CYP2R1: variants seen among roughly 807,000 people sequenced by gnomAD.
CYP2R1 encodes the protein cytochrome P450 family 2 subfamily R member 1.
CYP2R1 carries 40 observed loss-of-function variants against 45.7 expected under a neutral mutation model. That is an observed-to-expected ratio of 0.87 (90% confidence interval 0.68 to 1.14). The LOEUF is 1.14. CYP2R1 is among the 50% of genes most tolerant of loss of function. CYP2R1 has a pLI of 0.00. For synonymous variants in CYP2R1, 234 were observed against 219.3 expected, an observed-to-expected ratio of 1.07 and a Z score of -0.59; for missense variants, 605 against 602.6, an observed-to-expected ratio of 1.00 and a Z score of -0.04.
Position 14,885,783 on chromosome 11 carries a change from T to G in CYP2R1, c.360A>C (p.Lys120Asn). 6.2e-7 allele frequency: 1 copy of G among 1,612,484 alleles called. No individual in the cohort carries two copies. The highest frequency in any genetic ancestry group is 8.5e-7 in the Non-Finnish European group (1 of 1,179,672). ...AGGTGCAAATAAACATACCTCCCAT[T>G]TTTGTCATCTTCATGAATAAAGGAA... ...PCLPLFMKMT[K>N]MGGLLNSRYG... Residue 120 changes from lysine to asparagine, a missense_variant, in exon 2 of 5, where the codon AAA becomes AAC. By Grantham distance (94) the Lys-to-Asn change is moderately conservative (BLOSUM62 0). Transcript: ENST00000334636.
chr11:14,879,470 T>C (rs1555011122), intron 3 of CYP2R1, 27 bp from the exon 4 acceptor site: 1 of 1,549,178 alleles, frequency 6.5e-7, no homozygotes, highest in Non-Finnish European at 8.8e-7. Context: ...ATTCAAGTTA[T>C]TATGCAGTTC....
chr11:14,882,774 C>T (rs1555012819), intron 2 of CYP2R1, among the ~76,000 whole-genome samples: 3 of 152,250 alleles, frequency 2.0e-5, no homozygotes, highest in East Asian at 3.9e-4. Context: ...GATTGTATAA[C>T]GAGAAAACCC....
intron 2 of CYP2R1, among the ~76,000 whole-genome samples, chr11:14,884,304 G>A (rs1445212805): frequency 1.3e-5 from 2 of 151,916 alleles, no homozygotes; most frequent in African/African-American, 4.8e-5. Flanking sequence ...ATGATAGACT[G>A]GATGAAGAAA....
In CYP2R1 at chr11:14,878,110, T is replaced by C. The variant is rs782447018; in HGVS notation, c.*12A>G. 6.2e-7 allele frequency: 1 copy of C among 1,612,754 alleles called. No individual in the cohort carries two copies. The highest frequency in any genetic ancestry group is 1.1e-5 in the South Asian group (1 of 91,022). On this transcript the variant is annotated 3_prime_UTR_variant, in exon 5 of 5. Transcript: ENST00000334636. ...ATATACATTCTTGTTCCCGAAAACATCCCAGGCAGTTTCAGCGTCTTTCAG... is the reference window on the plus strand; with the variant it reads ...ATATACATTCTTGTTCCCGAAAACACCCCAGGCAGTTTCAGCGTCTTTCAG...
Position 14,885,842 on chromosome 11 carries a change from G to C in CYP2R1, c.301C>G (p.His101Asp), listed in dbSNP as rs142001089. 3 of 1,613,542 alleles carry C rather than the reference G, an allele frequency of 1.9e-6. No homozygotes were observed. The highest frequency in any genetic ancestry group is 2.5e-6 in the Non-Finnish European group (3 of 1,179,742). ...GYDVVKECLV[H>D]QSEIFADRPC... is the part of the protein sequence containing the mutation. ...CTGTCTGCAAAAATTTCGCTTTGAT[G>C]AACAAGGCATTCCTTTACTACATCA... Residue 101 changes from histidine (H) to aspartate (D), a missense_variant, in exon 2 of 5, where the codon CAT becomes GAT. Coordinates refer to ENST00000334636, the MANE Select transcript of CYP2R1 (RefSeq NM_024514.5).
chr11:14,885,599 T>C (rs1555014118), intron 2 of CYP2R1, among the ~76,000 whole-genome samples, 177 bp downstream of exon 2: 1 of 152,216 alleles, frequency 6.6e-6, no homozygotes, highest in Non-Finnish European at 1.5e-5. Flanking sequence ...AGCAATGTAC[T>C]GGTCTAAAAT....
chr11:14,883,615 T>G lies in CYP2R1; in HGVS notation c.367+2161A>C, dbSNP rs547058134. The stretch of plus-strand genomic sequence containing the variant: ...AACCTAGGCATTACCATTCAGGAGA[T>G]AGGCATGGGCAAGGACTTCATGTCT... On this transcript the variant is annotated intron_variant, in intron 2 of 4. Coordinates refer to ENST00000334636, the MANE Select transcript of CYP2R1 (RefSeq NM_024514.5). 2.0e-5 allele frequency among the ~76,000 whole-genome samples: 3 copies of G among 152,210 alleles called. No homozygotes were observed. The South Asian group carries it at 6.2e-4, about 32-fold the overall frequency.
At chr11:14,891,692 CGCAGGA>C in intron 1 of CYP2R1, 1 of 1,202,174 alleles carries the variant, frequency 8.3e-7, no homozygotes, top group Non-Finnish European at 1.0e-6. Flanking sequence ...ACGGCGCAGG[CGCAGGA>C]GCAAGAGCTC....
chr11:14,886,533 CCT>C (rs1555014756), intron 1 of CYP2R1: 2 of 153,264 alleles, frequency 1.3e-5, no homozygotes, highest in African/African-American at 4.8e-5. Context: ...TAGGTGGCTG[CCT>C]CTCAGTTAAG....
At chr11:14,886,837 G>A (rs1428550747) in intron 1 of CYP2R1, 2 of 152,302 alleles carry the variant, frequency 1.3e-5, no homozygotes, top group South Asian at 2.1e-4. Context: ...AAAACAGGAG[G>A]CTTAGCAGAG....
At chr11:14,886,219 ACT>A (rs1848615932) in intron 1 of CYP2R1, 2 of 352,088 alleles carry the variant, frequency 5.7e-6, no homozygotes, top group Non-Finnish European at 1.1e-5. Context: ...CAGATAAAAG[ACT>A]CTGAGCAGAA....
chr11:14,892,194 A>C lies in CYP2R1; in HGVS notation c.12T>G (p.Leu4=), dbSNP rs782462154. The C allele has an allele frequency of 4.7e-5, 76 of 1,609,864 alleles. No homozygotes were observed. The South Asian group carries it at 8.0e-4, about 17-fold the overall frequency. Residue 4 remains leucine (L), a synonymous_variant, in exon 1 of 5, where the codon CTT becomes CTG. Coordinates refer to ENST00000334636, the MANE Select transcript of CYP2R1 (RefSeq NM_024514.5). ...CCGCCGCGCCCTCTTCAGCTCTCCA[A>C]AGCTTCCACATCGGCCCGAGCTGGA... is the stretch of plus-strand genomic sequence containing the variant. The part of the protein sequence containing the change: MWK[L]WRAEEGAAAL...
At chr11:14,884,008 A>G (rs1347453080) in intron 2 of CYP2R1, among the ~76,000 whole-genome samples, 7 of 152,046 alleles carry the variant, frequency 4.6e-5, no homozygotes, top group Admixed American at 6.5e-5. Flanking sequence ...TTAGAATGGC[A>G]ATCATTAAAA....
Position 14,879,204 on chromosome 11 carries a change from A to C in CYP2R1, c.1240T>G (p.Trp414Gly). 1.2e-6 allele frequency: 2 copies of C among 1,613,342 alleles called. No individual in the cohort carries two copies. Among genetic ancestry groups the C allele is most frequent in the Non-Finnish European group, 1.7e-6 (2 of 1,179,534 alleles). ...GGATGGAACACTTCTGGGTCTCTCCAGTACTTTTCATCAAAGTGTACAGAA... is the reference window on the plus strand; with the variant it reads ...GGATGGAACACTTCTGGGTCTCTCCCGTACTTTTCATCAAAGTGTACAGAA... ...LYSVHFDEKY[W>G]RDPEVFHPER... Residue 414 changes from tryptophan to glycine, a missense_variant, in exon 4 of 5, where the codon TGG becomes GGG. Trp to Gly is a radical substitution (Grantham distance 184, BLOSUM62 -2). Coordinates refer to ENST00000334636, the MANE Select transcript of CYP2R1 (RefSeq NM_024514.5).
intron 1 of CYP2R1, among the ~76,000 whole-genome samples, chr11:14,887,908 T>A (rs1421412895): frequency 6.6e-6 from 1 of 152,200 alleles, no homozygotes; most frequent in African/African-American, 2.4e-5. Context: ...TTCTCCCTTA[T>A]AACAACAACC....
intron 4 of CYP2R1, 48 bp from the exon 5 acceptor site, chr11:14,878,345 A>G: frequency 6.4e-7 from 1 of 1,562,472 alleles, no homozygotes; most frequent in Non-Finnish European, 8.8e-7. Flanking sequence ...CACAATCTTT[A>G]CCAAAATTAA....
chr11:14,890,986 T>A, intron 1 of CYP2R1: 3 of 985,446 alleles, frequency 3.0e-6, no homozygotes, highest in Non-Finnish European at 3.6e-6. Context: ...ATTAGTTTTC[T>A]CTCTCCCACT....
chr11:14,889,748 CCT>C (rs1848757861), intron 1 of CYP2R1, among the ~76,000 whole-genome samples: 1 of 152,142 alleles, frequency 6.6e-6, no homozygotes, highest in Non-Finnish European at 1.5e-5. Flanking sequence ...AAGCTTAATT[CCT>C]TTTTCTGTGA....
chr11:14,889,457 A>T (rs1229487209), intron 1 of CYP2R1, among the ~76,000 whole-genome samples: 1 of 152,234 alleles, frequency 6.6e-6, no homozygotes, highest in Non-Finnish European at 1.5e-5. Context: ...GGTGGTTATC[A>T]ACTAGATCTA....
Sources: gnomAD v4.1 joint callset for allele counts (sites outside exome capture counted in the v4.1 genomes callset) on GRCh38, gnomAD v4.1.1 for gene constraint, MANE v1.5 for transcripts, NCBI Gene and HGNC (gene_info 2026-07-23, HGNC 2026-07-21) for gene names.